The following DISP3 variants were observed in gnomAD, a reference collection of about 807,000 sequenced individuals.
DISP3 encodes protein dispatched homolog 3.
Under a neutral mutation model 135.3 loss-of-function variants are expected in DISP3, and 101 were observed. The ratio of observed to expected loss-of-function variants is 0.75; its 90% CI spans 0.64 to 0.88. The LOEUF (loss-of-function observed/expected upper bound fraction) is 0.88. Ranked by LOEUF, DISP3 falls within the 40% of genes least tolerant of loss-of-function variation. The pLI, the probability that DISP3 is intolerant of heterozygous loss-of-function variation, is 0.00. For missense variants in DISP3, 1,713 were observed against 1,878.6 expected, an observed-to-expected ratio of 0.91 and a Z score of 1.63; for synonymous variants, 856 against 817.0, an observed-to-expected ratio of 1.05 and a Z score of -0.81.
intron 10 of DISP3, among the ~76,000 whole-genome samples, chr1:11,521,911 A>T (rs973889324): frequency 6.6e-6 from 1 of 152,018 alleles, no homozygotes; most frequent in Admixed American, 6.5e-5. Flanking sequence ...GGGGTGAGGG[A>T]GTCTCCCAGG....
In DISP3 at chr1:11,501,365, G is replaced by A; in HGVS notation, c.373G>A (p.Ala125Thr). The change falls in exon 2 of 21, where the codon GCG becomes ACG. Residue 125 changes from alanine (A) to threonine (T), a missense_variant. Ala to Thr is a moderately conservative substitution (Grantham distance 58). Transcript: ENST00000294484. The surrounding 1 kb of genome is among the most constrained non-coding windows in gnomAD (Gnocchi z 4.9). ...ACAGCGTTTCGACGCTCTCACTCTG[G>A]CGCTTAAGTCCCAGTTTGGATCCTG... ...ASQRFDALTL[A>T]LKSQFGSWGR... The A allele has an allele frequency of 1.2e-6, 2 of 1,611,714 alleles. No individual in the cohort carries two copies. Among genetic ancestry groups the A allele is most frequent in the Non-Finnish European group, 1.7e-6 (2 of 1,179,024 alleles).
intron 1 of DISP3, among the ~76,000 whole-genome samples, chr1:11,500,633 G>A (rs966851184): frequency 6.6e-6 from 1 of 152,172 alleles, no homozygotes; most frequent in Non-Finnish European, 1.5e-5. Context: ...GAGTTCTAAA[G>A]TCAGAGGATG....
In DISP3 at chr1:11,533,548, C is replaced by T. The variant is rs558217883; in HGVS notation, c.3376-833C>T. The T allele has an allele frequency of 3.1e-4, 165 of 523,966 alleles. No individual in the cohort carries two copies. The East Asian group carries it at 4.7e-3, about 15-fold the overall frequency. 32.5% of individuals were successfully genotyped at this position (523,966 alleles called of 1,614,324 possible). On this transcript the variant is annotated intron_variant, in intron 17 of 20. Coordinates refer to ENST00000294484, the MANE Select transcript of DISP3 (RefSeq NM_020780.2). ...CGGGGATTATAGGCGTGAGCCACTG[C>T]GCCCAGCCGGTGACTGGCTCATTTT...
rs1642502407 is a variant in DISP3 at position 11,528,944 on chromosome 1, TC to T, written c.2799-611del. 2.0e-5 allele frequency among the ~76,000 whole-genome samples: 3 copies of T among 152,272 alleles called. No homozygotes were observed. In the South Asian group the frequency reaches 6.2e-4, roughly 32 times the overall value. Reference sequence around the variant, plus strand: ...GTCCCTTCCAGCCTGGGACCCTGACTCGGGGGTGGGGGCCCCTCTGCCTGTC... The same window carrying T: ...GTCCCTTCCAGCCTGGGACCCTGACTGGGGGTGGGGGCCCCTCTGCCTGTC... On this transcript the variant is annotated intron_variant, in intron 13 of 20. Coordinates refer to ENST00000294484, the MANE Select transcript of DISP3 (RefSeq NM_020780.2).
At chr1:11,535,230 C>A in intron 19 of DISP3, 106 bp downstream of exon 19, 2 of 1,164,372 alleles carry the variant, frequency 1.7e-6, no homozygotes, top group Non-Finnish European at 2.4e-6. Flanking sequence ...TTCACTGTCA[C>A]ATCTCAGCGG....
At chr1:11,522,397 G>A (rs1473234385) in intron 10 of DISP3, among the ~76,000 whole-genome samples, 1 of 152,138 alleles carries the variant, frequency 6.6e-6, no homozygotes, top group Non-Finnish European at 1.5e-5. Context: ...TTCGGAGCCA[G>A]CCCTGGCCAC....
chr1:11,507,188 C>A (rs542653166), intron 3 of DISP3, among the ~76,000 whole-genome samples: 27 of 152,128 alleles, frequency 1.8e-4, no homozygotes, highest in African/African-American at 7.2e-5. Flanking sequence ...CACATAGAGT[C>A]GTGGCTGATT....
chr1:11,535,585 G>A lies in DISP3; in HGVS notation c.3757G>A (p.Val1253Ile), dbSNP rs200620988. The change falls in exon 20 of 21, where the codon GTC (valine) becomes ATC (isoleucine). Residue 1253 changes from valine (V) to isoleucine (I), a missense_variant. Val to Ile is a conservative substitution (Grantham distance 29). This residue lies in a region of DISP3 where 1,142 missense variants were observed against 1,384.6 expected (regional missense o/e 0.82). Transcript: ENST00000294484. ...ILVGSSVDYC[V>I]HLVEGYLLAG... is the part of the protein sequence containing the mutation. ...CGTTGGCTCCTCCGTGGATTACTGCGTCCACCTGGTCGAGGGCTACCTGCT... is the reference window on the plus strand; with the variant it reads ...CGTTGGCTCCTCCGTGGATTACTGCATCCACCTGGTCGAGGGCTACCTGCT... The A allele has an allele frequency of 1.2e-4, 187 of 1,613,308 alleles. No homozygotes were observed. Among genetic ancestry groups the A allele is most frequent in the Admixed American group, 7.8e-4 (47 of 59,974 alleles).
In DISP3 at chr1:11,526,854, C is replaced by G. The variant is rs752366779; in HGVS notation, c.2798+19C>G. The stretch of plus-strand genomic sequence containing the variant: ...ACACCCGGTAACAGAGCCTGGCAGA[C>G]AAGCCGGTGCCCATCAGCCCGGCTG... On this transcript the variant is annotated intron_variant, in intron 13 of 20. Coordinates refer to ENST00000294484, the MANE Select transcript of DISP3 (RefSeq NM_020780.2). 11 of 1,576,686 alleles carry G rather than the reference C, an allele frequency of 7.0e-6. No homozygotes were observed. The highest frequency in any genetic ancestry group is 9.4e-6 in the Non-Finnish European group (11 of 1,166,916).
chr1:11,517,433 C>T (rs768347597), intron 6 of DISP3, 30 bp from the exon 7 acceptor site: 3 of 1,611,702 alleles, frequency 1.9e-6, no homozygotes, highest in East Asian at 4.5e-5. Context: ...CCAACCTGTC[C>T]CACATCCCTC....
rs115068043 is a variant in DISP3, at chr1:11,528,762, G to A, written c.2799-794G>A. ...TCTCTGACAGAACTTGGTGATGCAC[G>A]GGGACTGTGGTCTCCGATGGGGCTC... On this transcript the variant is annotated intron_variant, in intron 13 of 20. Coordinates refer to ENST00000294484, the MANE Select transcript of DISP3 (RefSeq NM_020780.2). 2.8e-3 allele frequency among the ~76,000 whole-genome samples: 419 copies of A among 152,290 alleles called. 1 individual carries two copies. Among genetic ancestry groups the A allele is most frequent in the African/African-American group, 9.4e-3 (392 of 41,560 alleles).
intron 17 of DISP3, among the ~76,000 whole-genome samples, chr1:11,532,440 T>G (rs1179900531): frequency 6.6e-6 from 1 of 152,206 alleles, no homozygotes; most frequent in Non-Finnish European, 1.5e-5. Context: ...GTCTGGGGAC[T>G]AAGAATCAAT....
rs751589981 is a variant in DISP3, at chr1:11,531,637, C to T, written c.3302C>T (p.Pro1101Leu). ...GAGCTGCCCGAGCCCAACCTGCTCC[C>T]GGGGCAGCTGTCCCACGGGGCAGTG... ...CKELPEPNLL[P>L]GQLSHGAVGV... The change falls in exon 17 of 21, where the codon CCG becomes CTG. Residue 1101 changes from proline (P) to leucine (L), a missense_variant. By Grantham distance (98) the Pro-to-Leu change is moderately conservative. Transcript: ENST00000294484. This position sits in a 1 kb window ranked among gnomAD's most constrained non-coding sequence, Gnocchi z 5.2. 20 of 1,613,234 alleles carry T rather than the reference C, an allele frequency of 1.2e-5. 2 individuals carry two copies. In the South Asian group the frequency reaches 1.8e-4, roughly 14 times the overall value.
At position 11,482,739 on chromosome 1, in the gene DISP3, G is replaced by A. The variant is rs569464387; in HGVS notation, c.-4+3367G>A. Among the ~76,000 whole-genome samples the A allele has an allele frequency of 4.6e-5, 7 of 152,178 alleles. No homozygotes were observed. In the South Asian group the frequency reaches 8.3e-4, roughly 18 times the overall value. ...TCCCCACACCCAAATGTGGAGAAAC[G>A]GAGGGCTGGGACAGTGAGGCAGGGG... On this transcript the variant is annotated intron_variant, in intron 1 of 20. Coordinates refer to ENST00000294484, the MANE Select transcript of DISP3 (RefSeq NM_020780.2).
chr1:11,531,265 C>T lies in DISP3; in HGVS notation c.3229+232C>T, dbSNP rs1642569742. Among the ~76,000 whole-genome samples, 1 of 152,084 alleles carries T rather than the reference C, an allele frequency of 6.6e-6. No homozygotes were observed. Among genetic ancestry groups the T allele is most frequent in the African/African-American group, 2.4e-5 (1 of 41,386 alleles). ...TGTGAACAGGACTGGTGCAGAGGTG[C>T]ATGTGTGTGGGATGGGGGCACATCT... On this transcript the variant is annotated intron_variant, in intron 16 of 20. Transcript: ENST00000294484. The surrounding 1 kb of genome is among the most constrained non-coding windows in gnomAD (Gnocchi z 5.2).
chr1:11,520,966 A>C lies in DISP3; in HGVS notation c.2362+118A>C. 2 of 1,204,422 alleles carry C rather than the reference A, an allele frequency of 1.7e-6. No individual in the cohort carries two copies. The highest frequency in any genetic ancestry group is 1.7e-5 in the South Asian group (1 of 59,970). 74.6% of individuals were successfully genotyped at this position (1,204,422 alleles called of 1,614,324 possible). On this transcript the variant is annotated intron_variant, in intron 10 of 20. Transcript: ENST00000294484. The surrounding 1 kb of genome is among the most constrained non-coding windows in gnomAD (Gnocchi z 4.8). ...CAATGCCAGACCTCAGGCAAATCCC[A>C]CTCCCCTCTGAGCCCCCATGTTCCC...
chr1:11,527,898 G>A (rs1053047964), intron 13 of DISP3, among the ~76,000 whole-genome samples: 8 of 152,102 alleles, frequency 5.3e-5, no homozygotes, highest in Non-Finnish European at 8.8e-5. Context: ...CTCTCCATAC[G>A]TCACCCACTG....
Position 11,519,662 on chromosome 1 carries a change from G to A in DISP3, c.2039-57G>A, listed in dbSNP as rs566804465. ...CATCTGGGCTTCCCTGGAAGCGAGC[G>A]TGGACCACAGTGGGCTTTGATTCAG... is the stretch of plus-strand genomic sequence containing the variant. On this transcript the variant is annotated intron_variant, in intron 8 of 20. Transcript: ENST00000294484. This position sits in a 1 kb window ranked among gnomAD's most constrained non-coding sequence, Gnocchi z 4.3. 26 of 1,588,394 alleles carry A rather than the reference G, an allele frequency of 1.6e-5. No homozygotes were observed. The highest frequency in any genetic ancestry group is 1.2e-4 in the Admixed American group (7 of 58,940).
At chr1:11,523,450 C>T (rs919768505) in intron 10 of DISP3, among the ~76,000 whole-genome samples, 1 of 126,134 alleles carries the variant, frequency 7.9e-6, no homozygotes, top group Non-Finnish European at 1.7e-5. Context: ...AGGGTGAGCA[C>T]GGGGGCAGAG....
Sources: allele counts gnomAD v4.1 joint callset (sites outside exome capture counted in the v4.1 genomes callset), GRCh38; gene constraint gnomAD v4.1.1; regional missense constraint gnomAD v4.1.1; non-coding constraint Gnocchi (gnomAD v3.1); transcripts MANE v1.5; gene names NCBI Gene and HGNC (gene_info 2026-07-23, HGNC 2026-07-21).